SPEF2: variants seen among roughly 807,000 people sequenced by gnomAD.
SPEF2 encodes the protein sperm flagellar and cilia associated 2.
SPEF2 carries 187 observed loss-of-function variants against 224.6 expected under a neutral mutation model. That is an observed-to-expected ratio of 0.83 (90% confidence interval 0.74 to 0.94). The LOEUF is 0.94. Ranked by LOEUF, SPEF2 falls within the 40% of genes least tolerant of loss-of-function variation. The probability of loss-of-function intolerance (pLI) is 0.00; values close to 1 mark genes in which losing one functional copy is unlikely to be tolerated. For synonymous variants in SPEF2, 715 were observed against 707.3 expected (o/e 1.01, Z -0.17); for missense variants, 2,170 against 2,135.6 (o/e 1.02, Z -0.32).
intron 23 of SPEF2, among the ~76,000 whole-genome samples, chr5:35,745,892 A>C (rs1748447245): frequency 6.6e-6 from 1 of 152,180 alleles, no homozygotes; most frequent in Admixed American, 6.5e-5. Context: ...TTAAACCATC[A>C]AGGCTAAGAA....
intron 33 of SPEF2, 86 bp from the exon 34 acceptor site, chr5:35,799,882 G>T (rs893950395): frequency 2.7e-6 from 4 of 1,455,222 alleles, no homozygotes; most frequent in Non-Finnish European, 3.8e-6. Context: ...TTATTCCAAA[G>T]CTCCTGGGGA....
At chr5:35,649,450 T>C (rs1747879772) in intron 6 of SPEF2, 25 bp downstream of exon 6, 2 of 1,573,532 alleles carry the variant, frequency 1.3e-6, no homozygotes, top group South Asian at 2.3e-5. Flanking sequence ...ATTTTAAGAA[T>C]TACAAAACCG....
rs1383910749 is a variant in SPEF2, at chr5:35,646,656, G to A, written c.586-11G>A. ...TCTGAATCACTAAACTAATGTATAT[G>A]GGATATTCAGCAATACTTAAACAGA... On this transcript the variant is annotated splice_polypyrimidine_tract_variant and intron_variant, in intron 4 of 36. Transcript: ENST00000356031. The A allele has an allele frequency of 1.2e-6, 2 of 1,611,646 alleles. No homozygotes were observed. Among genetic ancestry groups the A allele is most frequent in the Non-Finnish European group, 1.7e-6 (2 of 1,178,698 alleles).
At chr5:35,638,622 C>A (rs1746164239) in intron 2 of SPEF2, among the ~76,000 whole-genome samples, 1 of 152,138 alleles carries the variant, frequency 6.6e-6, no homozygotes, top group Non-Finnish European at 1.5e-5. Flanking sequence ...AAACTTTGGA[C>A]ATCCCTTTCC....
rs35129181 is a variant in SPEF2 at position 35,674,337 on chromosome 5, CTTT to C, written c.1524+4128_1524+4130del. On this transcript the variant is annotated intron_variant, in intron 10 of 36. Coordinates refer to ENST00000356031, the MANE Select transcript of SPEF2 (RefSeq NM_024867.4). The stretch of plus-strand genomic sequence containing the variant: ...GAGTGAGCTCTTCTCTTTTCGTCTT[CTTT>C]TTTTTTTTTTTTTTTTTGGTGTTTC... 8.5e-5 allele frequency among the ~76,000 whole-genome samples: 8 copies of C among 94,454 alleles called. No individual in the cohort carries two copies. In the East Asian group the frequency reaches 2.7e-3, roughly 32 times the overall value. The allele number at this position is 94,454 out of a possible 152,430, so 62.0% of individuals were successfully genotyped here.
At chr5:35,674,612 G>A (rs751478619) in intron 10 of SPEF2, among the ~76,000 whole-genome samples, 1 of 143,004 alleles carries the variant, frequency 7.0e-6, no homozygotes, top group Non-Finnish European at 1.5e-5. Context: ...CCACCTATGA[G>A]TGAGAACATG....
chr5:35,709,875 T>C (rs1740751528), intron 19 of SPEF2: 1 of 985,324 alleles, frequency 1.0e-6, no homozygotes, highest in South Asian at 4.7e-5. Flanking sequence ...TTCAGCTTTA[T>C]AAATGGCTGA....
At chr5:35,718,633 C>T (rs1015549537) in intron 20 of SPEF2, among the ~76,000 whole-genome samples, 1 of 152,134 alleles carries the variant, frequency 6.6e-6, no homozygotes, top group African/African-American at 2.4e-5. Context: ...GGAATTATCT[C>T]CTCTTACCCA....
chr5:35,654,603 A>G lies in SPEF2; in HGVS notation c.855A>G (p.Ser285=). ...QTTTDLLNTY[S]DDEYIKKIQK... ...CCACCGATTTGTTAAATACTTACTCAGATGACGAGTACATTAAAAAAATCC... is the reference window on the plus strand; with the variant it reads ...CCACCGATTTGTTAAATACTTACTCGGATGACGAGTACATTAAAAAAATCC... The change falls in exon 7 of 37, where the codon TCA becomes TCG. Residue 285 remains serine, a synonymous_variant. Coordinates refer to ENST00000356031, the MANE Select transcript of SPEF2 (RefSeq NM_024867.4). 6.2e-7 allele frequency: 1 copy of G among 1,613,482 alleles called. No homozygotes were observed. Among genetic ancestry groups the G allele is most frequent in the South Asian group, 1.1e-5 (1 of 90,864 alleles).
At chr5:35,638,395 C>T (rs1010868077) in intron 2 of SPEF2, among the ~76,000 whole-genome samples, 4 of 152,048 alleles carry the variant, frequency 2.6e-5, no homozygotes, top group African/African-American at 7.3e-5. Context: ...GCCACATTTC[C>T]CATCAACGGA....
chr5:35,762,377 G>C (rs147757040), intron 25 of SPEF2, among the ~76,000 whole-genome samples: 1 of 152,172 alleles, frequency 6.6e-6, no homozygotes, highest in Non-Finnish European at 1.5e-5. Context: ...AGCCTTACCC[G>C]AACTTATTGA....
At chr5:35,733,424 G>A (rs1028060015) in intron 21 of SPEF2, among the ~76,000 whole-genome samples, 11 of 152,150 alleles carry the variant, frequency 7.2e-5, no homozygotes, top group African/African-American at 2.2e-4. Flanking sequence ...TAACAAGACT[G>A]TAAACTGTCA....
At chr5:35,800,397 A>C (rs1757263197) in intron 34 of SPEF2, among the ~76,000 whole-genome samples, 1 of 152,050 alleles carries the variant, frequency 6.6e-6, no homozygotes. Flanking sequence ...ATCAAACTTT[A>C]CTCTATAAAG....
intron 33 of SPEF2, among the ~76,000 whole-genome samples, chr5:35,799,741 G>T (rs983966739): frequency 6.6e-6 from 1 of 152,102 alleles, no homozygotes; most frequent in South Asian, 2.1e-4. Context: ...TATGTTAGTA[G>T]CATTAATTAG....
intron 2 of SPEF2, among the ~76,000 whole-genome samples, chr5:35,630,702 AG>A (rs1430279137): frequency 4.4e-4 from 66 of 151,254 alleles, no homozygotes; most frequent in African/African-American, 1.6e-3. Flanking sequence ...TCTCAAAAAA[AG>A]AAAAAAAAAG....
intron 33 of SPEF2, among the ~76,000 whole-genome samples, chr5:35,797,361 T>TGTGTGTGTGA: frequency 6.9e-6 from 1 of 144,842 alleles, no homozygotes; most frequent in Non-Finnish European, 1.5e-5. Context: ...TGTGTGTGTG[T>TGTGTGTGTGA]GATGTCCATA....
At position 35,779,102 on chromosome 5, in the gene SPEF2, T is replaced by C. The variant is rs2048561046; in HGVS notation, c.4218-15T>C. On this transcript the variant is annotated splice_polypyrimidine_tract_variant and intron_variant, in intron 29 of 36. Transcript: ENST00000356031. ...TCTTTCATGGGGTTAACGCTATCCA[T>C]TTTACCACTTTCAGTACAGAAAAAT... is the stretch of plus-strand genomic sequence containing the variant. 2 of 1,596,818 alleles carry C rather than the reference T, an allele frequency of 1.3e-6. No homozygotes were observed. Among genetic ancestry groups the C allele is most frequent in the African/African-American group, 2.7e-5 (2 of 74,518 alleles).
chr5:35,660,162 TA>T (rs199525434), intron 8 of SPEF2, among the ~76,000 whole-genome samples: 12 of 151,482 alleles, frequency 7.9e-5, no homozygotes, highest in South Asian at 2.1e-4. Context: ...TGAGTTCTAG[TA>T]AAAAAAAATA....
intron 8 of SPEF2, among the ~76,000 whole-genome samples, chr5:35,663,933 T>C (rs1351007365): frequency 1.6e-4 from 25 of 152,170 alleles, no homozygotes. Flanking sequence ...CCAGCCTTTG[T>C]TGGTCTTCCA....
Sources: allele counts gnomAD v4.1 joint callset (sites outside exome capture counted in the v4.1 genomes callset), GRCh38; gene constraint gnomAD v4.1.1; transcripts MANE v1.5; gene names NCBI Gene and HGNC (gene_info 2026-07-23, HGNC 2026-07-21).